PCYT1A: variants seen among roughly 807,000 people sequenced by gnomAD.
PCYT1A encodes the protein phosphate cytidylyltransferase 1A, choline.
A neutral mutation model predicts 43.7 loss-of-function variants in PCYT1A; 25 were observed. That is an observed-to-expected ratio of 0.57 (90% CI 0.42 to 0.80). The LOEUF (loss-of-function observed/expected upper bound fraction) is 0.80, where lower values mean the gene tolerates loss of function less well. Among genes scored for constraint, PCYT1A ranks in the 30% least tolerant of loss-of-function variants. PCYT1A has a pLI of 0.00. For missense variants in PCYT1A, 421 were observed against 474.2 expected (o/e 0.89, Z 1.04); for synonymous variants, 172 against 170.7 (o/e 1.01, Z -0.06).
intron 5 of PCYT1A, among the ~76,000 whole-genome samples, chr3:196,245,925 TG>T (rs1577357183): frequency 1.4e-5 from 2 of 141,570 alleles, no homozygotes; most frequent in East Asian, 4.1e-4. Flanking sequence ...CACTCCAGCC[TG>T]GGCAACAGAG....
At chr3:196,286,879 G>C (rs979690660) in intron 1 of PCYT1A, among the ~76,000 whole-genome samples, 8 of 152,146 alleles carry the variant, frequency 5.3e-5, no homozygotes, top group Admixed American at 1.3e-4. Flanking sequence ...GCGCCACTGC[G>C]CTCCAGCCTG....
At chr3:196,275,723 C>T (rs966441806) in intron 1 of PCYT1A, among the ~76,000 whole-genome samples, 18 of 147,812 alleles carry the variant, frequency 1.2e-4, no homozygotes, top group African/African-American at 3.2e-4. Flanking sequence ...CAGAGTAAGA[C>T]TCTGTCTCAA....
At chr3:196,241,861 A>C (rs1724368097) in intron 7 of PCYT1A, 87 bp downstream of exon 7, 2 of 1,501,560 alleles carry the variant, frequency 1.3e-6, no homozygotes, top group Non-Finnish European at 9.3e-7. Flanking sequence ...ATCAAAGCCA[A>C]CTGCAAAGCC....
At chr3:196,269,384 G>C (rs1290872325) in intron 2 of PCYT1A, among the ~76,000 whole-genome samples, 1 of 152,206 alleles carries the variant, frequency 6.6e-6, no homozygotes, top group Non-Finnish European at 1.5e-5. Context: ...AACTGAGTTT[G>C]ATCAATGGCT....
chr3:196,248,969 A>G, intron 3 of PCYT1A, among the ~76,000 whole-genome samples: 1 of 151,234 alleles, frequency 6.6e-6, no homozygotes, highest in East Asian at 2.0e-4. Flanking sequence ...ACAGTGTTAG[A>G]CAGGATGGTC....
intron 2 of PCYT1A, among the ~76,000 whole-genome samples, chr3:196,267,935 T>C (rs754711025): frequency 4.6e-5 from 7 of 152,170 alleles, no homozygotes; most frequent in Non-Finnish European, 1.0e-4. Context: ...GGCAGAAAGT[T>C]TACTAGCAGA....
chr3:196,263,895 G>C (rs1395851905), intron 2 of PCYT1A, among the ~76,000 whole-genome samples: 2 of 152,172 alleles, frequency 1.3e-5, no homozygotes, highest in Non-Finnish European at 2.9e-5. Flanking sequence ...GCCTCCCAAA[G>C]TGTTGGGATT....
In PCYT1A at chr3:196,257,834, C is replaced by A. The variant is rs1388282947; in HGVS notation, c.171G>T (p.Lys57Asn). ...CTTCCATAGTTACCCTGACATAGGG[C>A]TTACTAAAGTCAACTTCAATTTCAT... Reference protein sequence around the residue: ...FSDEIEVDFSKPYVRVTMEEA... With the variant: ...FSDEIEVDFSNPYVRVTMEEA... Residue 57 changes from lysine to asparagine, a missense_variant, in exon 3 of 9, where the codon AAG becomes AAT. Around this residue, in one of 3 missense-constraint regions of PCYT1A, gnomAD observed 139 missense variants for 117.7 expected, o/e 1.18. Transcript: ENST00000431016. 1 of 1,613,398 alleles carries A rather than the reference C, an allele frequency of 6.2e-7. No homozygotes were observed. The highest frequency in any genetic ancestry group is 8.5e-7 in the Non-Finnish European group (1 of 1,179,486).
Position 196,236,260 on chromosome 3 carries a change from A to G in PCYT1A, c.*2428T>C, listed in dbSNP as rs1370891369. Reference sequence around the variant, plus strand: ...CGGGCATCTCCCTGTCTATCCAAATACACTTGCATAATGTGCACTTGGAGG... The same window carrying G: ...CGGGCATCTCCCTGTCTATCCAAATGCACTTGCATAATGTGCACTTGGAGG... On this transcript the variant is annotated 3_prime_UTR_variant, in exon 9 of 9. Coordinates refer to ENST00000431016, the MANE Select transcript of PCYT1A (RefSeq NM_001312673.2). 3.3e-5 allele frequency: 5 copies of G among 152,270 alleles called. No homozygotes were observed. The highest frequency in any genetic ancestry group is 1.2e-4 in the African/African-American group (5 of 41,456). 9.4% of individuals were successfully genotyped at this position (152,270 alleles called of 1,614,324 possible).
chr3:196,251,178 T>C lies in PCYT1A; in HGVS notation c.218-2855A>G, dbSNP rs886803347. Among the ~76,000 whole-genome samples, 4 of 149,690 alleles carry C rather than the reference T, an allele frequency of 2.7e-5. 1 individual carries two copies. The highest frequency in any genetic ancestry group is 5.0e-5 in the African/African-American group (2 of 40,316). On this transcript the variant is annotated intron_variant, in intron 3 of 8. Transcript: ENST00000431016. ...CTGAGGCTGAGGATCACATACACCA[T>C]GCTGAGGCTGAGGACCAGATACACC...
In PCYT1A at chr3:196,242,991, C is replaced by G. The variant is rs1724405977; in HGVS notation, c.487-351G>C. 3.7e-6 allele frequency: 1 copy of G among 271,476 alleles called. No individual in the cohort carries two copies. The highest frequency in any genetic ancestry group is 4.8e-5 in the Admixed American group (1 of 20,666). The allele number at this position is 271,476 out of a possible 1,614,324, so 16.8% of individuals were successfully genotyped here. On this transcript the variant is annotated intron_variant, in intron 5 of 8. Transcript: ENST00000431016. The surrounding 1 kb of genome is among the most constrained non-coding windows in gnomAD (Gnocchi z 4.2). ...GAGCCTAGGAAAGAAGGAAATCTCCCTGTCCTGGGTCTGGAAGGATTTGGT... is the reference window on the plus strand; with the variant it reads ...GAGCCTAGGAAAGAAGGAAATCTCCGTGTCCTGGGTCTGGAAGGATTTGGT...
chr3:196,238,810 G>A lies in PCYT1A; in HGVS notation c.982C>T (p.Arg328Cys), dbSNP rs61737437. The change falls in exon 9 of 9, where the codon CGC becomes TGC. Residue 328 changes from arginine to cysteine, a missense_variant. Coordinates refer to ENST00000431016, the MANE Select transcript of PCYT1A (RefSeq NM_001312673.2). Reference protein sequence around the residue: ...QSPSSSPTRERSPSPSFRWPF... With the variant: ...QSPSSSPTRECSPSPSFRWPF... ...CATCGGAAAGAGGGGGAGGGGGAGC[G>A]CTCGCGAGTAGGGCTGCTGCTGGGG... is the stretch of plus-strand genomic sequence containing the variant. The A allele has an allele frequency of 2.0e-5, 31 of 1,576,320 alleles. No homozygotes were observed. Among genetic ancestry groups the A allele is most frequent in the South Asian group, 4.7e-5 (4 of 85,928 alleles).
Position 196,238,739 on chromosome 3 carries a change from G to C in PCYT1A, c.1053C>G (p.Leu351=). Residue 351 remains leucine (L), a synonymous_variant, in exon 9 of 9, where the codon CTC becomes CTG. Transcript: ENST00000431016. ...CATAGGCTGCAGCCTTGTGCCTGGA[G>C]AGATTTGCTGGGGAGCAAGGTGGGG... ...KTSPPCSPAN[L]SRHKAAAYDI... The C allele has an allele frequency of 6.3e-7, 1 of 1,592,432 alleles. No individual in the cohort carries two copies. Among genetic ancestry groups the C allele is most frequent in the Non-Finnish European group, 8.5e-7 (1 of 1,170,396 alleles).
In PCYT1A at chr3:196,247,666, G is replaced by A; in HGVS notation, c.335-148C>T. On this transcript the variant is annotated intron_variant, in intron 4 of 8. Coordinates refer to ENST00000431016, the MANE Select transcript of PCYT1A (RefSeq NM_001312673.2). The surrounding 1 kb of genome is among the most constrained non-coding windows in gnomAD (Gnocchi z 4.8). ...AGTCTTCTAAAGGTGGTTGAACCTG[G>A]GTGATAACGCTTTTCCTAATGCAGC... 1.3e-6 allele frequency: 1 copy of A among 750,454 alleles called. No homozygotes were observed. The highest frequency in any genetic ancestry group is 2.4e-6 in the Non-Finnish European group (1 of 423,802). The allele number at this position is 750,454 out of a possible 1,614,324, so 46.5% of individuals were successfully genotyped here.
chr3:196,251,839 G>C (rs1247245915), intron 3 of PCYT1A, among the ~76,000 whole-genome samples: 2 of 152,194 alleles, frequency 1.3e-5, no homozygotes, highest in Non-Finnish European at 2.9e-5. Context: ...GACAGGTCTT[G>C]AGAGGGAGAC....
rs1733167411 is a variant in PCYT1A, at chr3:196,252,981, T to C, written c.218-4658A>G. Reference sequence around the variant, plus strand: ...AATAAAACAAAATTTGAGCATATAATCCCCCTTCTATGTCCCAGAAATCAC... The same window carrying C: ...AATAAAACAAAATTTGAGCATATAACCCCCCTTCTATGTCCCAGAAATCAC... On this transcript the variant is annotated intron_variant, in intron 3 of 8. Coordinates refer to ENST00000431016, the MANE Select transcript of PCYT1A (RefSeq NM_001312673.2). This position sits in a 1 kb window ranked among gnomAD's most constrained non-coding sequence, Gnocchi z 4.0. 2.0e-5 allele frequency among the ~76,000 whole-genome samples: 3 copies of C among 152,116 alleles called. No homozygotes were observed. Among genetic ancestry groups the C allele is most frequent in the Non-Finnish European group, 4.4e-5 (3 of 68,004 alleles).
chr3:196,248,019 G>A (rs531818452), intron 4 of PCYT1A, 188 bp downstream of exon 4: 7 of 603,422 alleles, frequency 1.2e-5, no homozygotes, highest in East Asian at 5.4e-5. Flanking sequence ...TGGCACAGTC[G>A]AGGAGCTTGA....
At position 196,266,383 on chromosome 3, in the gene PCYT1A, A is replaced by G. The variant is rs564793817; in HGVS notation, c.117+4032T>C. Among the ~76,000 whole-genome samples the G allele has an allele frequency of 8.4e-3, 1,264 of 150,946 alleles. 11 individuals are homozygous for G. Among genetic ancestry groups the G allele is most frequent in the Non-Finnish European group, 0.012 (795 of 67,622 alleles). ...AGCCACTCGGGAGGCTGAGGCAGGAAAATGGCGTGAACCCAGGAGGCGGAG... is the reference window on the plus strand; with the variant it reads ...AGCCACTCGGGAGGCTGAGGCAGGAGAATGGCGTGAACCCAGGAGGCGGAG... On this transcript the variant is annotated intron_variant, in intron 2 of 8. Transcript: ENST00000431016.
In PCYT1A at chr3:196,244,442, C is replaced by A. The variant is rs565835472; in HGVS notation, c.487-1802G>T. On this transcript the variant is annotated intron_variant, in intron 5 of 8. Transcript: ENST00000431016. ...CGCCCCGTTTGGGATGTGAGGAGCT[C>A]CTCTGCCCGGCCGCGACCCGGTCTG... Among the ~76,000 whole-genome samples, 699 of 151,078 alleles carry A rather than the reference C, an allele frequency of 4.6e-3. 4 individuals carry two copies. Among genetic ancestry groups the A allele is most frequent in the African/African-American group, 0.016 (663 of 41,098 alleles).
Sources: allele counts gnomAD v4.1 joint callset (sites outside exome capture counted in the v4.1 genomes callset), GRCh38; gene constraint gnomAD v4.1.1; regional missense constraint gnomAD v4.1.1; non-coding constraint Gnocchi (gnomAD v3.1); transcripts MANE v1.5; gene names NCBI Gene and HGNC (gene_info 2026-07-23, HGNC 2026-07-21).